Variants in TRDN observed in about 807,000 individuals in gnomAD.
TRDN encodes the protein triadin in skeletal muscle.
Under a neutral mutation model 149.7 loss-of-function variants are expected in TRDN, and 161 were observed. The ratio of observed to expected loss-of-function variants is 1.08; its 90% CI spans 0.95 to 1.23. TRDN has a LOEUF of 1.23. Among genes scored for constraint, TRDN ranks in the 50% most tolerant of loss-of-function variants. The pLI, the probability that TRDN is intolerant of heterozygous loss-of-function variation, is 0.00. For missense variants in TRDN, 896 were observed against 823.5 expected (o/e 1.09, Z -1.08); for synonymous variants, 294 against 250.5 (o/e 1.17, Z -1.64).
Position 123,271,158 on chromosome 6 carries a change from A to C in TRDN, c.1701T>G (p.Ala567=), listed in dbSNP as rs1208419306. ...ATTTACCTGTTTTTTCTATTGTGAC[A>C]GCTTTTACCTGCTTGAGAACTTTTT... The part of the protein sequence containing the change: ...PEEKVLKQVK[A]VTIEKTAKPK... Residue 567 remains alanine, a synonymous_variant, in exon 30 of 41, where the codon GCT becomes GCG. Transcript: ENST00000334268. The C allele has an allele frequency of 6.5e-7, 1 of 1,538,136 alleles. No homozygotes were observed. Among genetic ancestry groups the C allele is most frequent in the African/African-American group, 1.4e-5 (1 of 72,416 alleles).
chr6:123,317,794 C>A lies in TRDN; in HGVS notation c.1472-1299G>T, dbSNP rs548006841. On this transcript the variant is annotated intron_variant, in intron 23 of 40. Coordinates refer to ENST00000334268, the MANE Select transcript of TRDN (RefSeq NM_006073.4). ...TATCTGATATGTGGTATATGATCAA[C>A]AAATATTGTTGAAGGAATGAATGAG... is the stretch of plus-strand genomic sequence containing the variant. Among the ~76,000 whole-genome samples the A allele has an allele frequency of 2.1e-3, 318 of 151,908 alleles. 1 individual carries two copies. Among genetic ancestry groups the A allele is most frequent in the African/African-American group, 7.4e-3 (306 of 41,480 alleles).
At chr6:123,442,653 G>T (rs1774993277) in intron 10 of TRDN, among the ~76,000 whole-genome samples, 1 of 151,094 alleles carries the variant, frequency 6.6e-6, no homozygotes, top group African/African-American at 2.4e-5. Context: ...GAAAAATAAT[G>T]ATAATAATGA....
chr6:123,275,019 A>G (rs1434404582), intron 26 of TRDN, among the ~76,000 whole-genome samples: 1 of 152,158 alleles, frequency 6.6e-6, no homozygotes, highest in Non-Finnish European at 1.5e-5. Context: ...TGATTATTGC[A>G]GAAAATAGTT....
At chr6:123,324,399 G>A (rs1779364822) in intron 23 of TRDN, among the ~76,000 whole-genome samples, 1 of 152,094 alleles carries the variant, frequency 6.6e-6, no homozygotes, top group Admixed American at 6.6e-5. Flanking sequence ...AGGAGCTCTT[G>A]AGCCCAGGAG....
chr6:123,432,575 A>G (rs1470475122), intron 12 of TRDN, among the ~76,000 whole-genome samples: 2 of 152,096 alleles, frequency 1.3e-5, no homozygotes, highest in Non-Finnish European at 2.9e-5. Flanking sequence ...ACTAGATTGA[A>G]CTATTAAAGC....
At chr6:123,544,411 C>T (rs986049082) in intron 4 of TRDN, among the ~76,000 whole-genome samples, 7 of 151,814 alleles carry the variant, frequency 4.6e-5, no homozygotes, top group African/African-American at 1.7e-4. Context: ...GGTTATAAAC[C>T]GGGCATGCTC....
rs9398723 is a variant in TRDN at position 123,273,009 on chromosome 6, G to T, written c.1627C>A (p.Gln543Lys). Residue 543 changes from glutamine to lysine, a missense_variant and splice_region_variant, in exon 29 of 41, where the codon CAA (glutamine) becomes AAA (lysine). Transcript: ENST00000334268. ...GTCTTTTCTGGTTTCACTATGTCTT[G>T]TTCTGAAAATAATAAAAAGAAAATC... is the stretch of plus-strand genomic sequence containing the variant. ...AISEKVQIHK[Q>K]DIVKPEKTVS... The T allele has an allele frequency of 4.4e-5, 66 of 1,500,226 alleles. No homozygotes were observed. In the East Asian group the frequency reaches 1.2e-3, roughly 27 times the overall value. 92.9% of individuals were successfully genotyped at this position (1,500,226 alleles called of 1,614,324 possible). A position where few individuals can be genotyped will look rare whatever the true frequency, so the allele number is the denominator to read the frequency against.
chr6:123,311,305 G>A (rs1011208455), intron 24 of TRDN, among the ~76,000 whole-genome samples: 10 of 151,756 alleles, frequency 6.6e-5, no homozygotes, highest in African/African-American at 2.4e-4. Context: ...GGGGGAAATC[G>A]CCCCCATGAT....
intron 1 of TRDN, among the ~76,000 whole-genome samples, chr6:123,593,663 C>T (rs1004376953): frequency 2.0e-5 from 3 of 152,138 alleles, no homozygotes; most frequent in African/African-American, 7.2e-5. Flanking sequence ...TTCCCCTTTC[C>T]ATAAGGATAC....
At chr6:123,476,709 G>A (rs1434535047) in intron 9 of TRDN, among the ~76,000 whole-genome samples, 2 of 146,924 alleles carry the variant, frequency 1.4e-5, no homozygotes, top group African/African-American at 5.0e-5. Context: ...TACCAAAACA[G>A]AGATATAGAT....
chr6:123,577,756 A>G (rs1449672463), intron 1 of TRDN, among the ~76,000 whole-genome samples: 1 of 152,176 alleles, frequency 6.6e-6, no homozygotes, highest in African/African-American at 2.4e-5. Flanking sequence ...TACTTCCACC[A>G]ACAGTGTATA....
At chr6:123,437,118 C>A (rs1249119284) in intron 12 of TRDN, among the ~76,000 whole-genome samples, 1 of 152,022 alleles carries the variant, frequency 6.6e-6, no homozygotes, top group Non-Finnish European at 1.5e-5. Flanking sequence ...TCGAAACTGT[C>A]AAATAGTTGA....
chr6:123,471,643 TTCCCTAA>T (rs1219915876), intron 9 of TRDN: 1 of 152,220 alleles, frequency 6.6e-6, no homozygotes, highest in Non-Finnish European at 1.5e-5. Context: ...GATTAAAAGC[TTCCCTAA>T]TATATTTCCA....
At chr6:123,392,555 A>G (rs1772533023) in intron 13 of TRDN, among the ~76,000 whole-genome samples, 1 of 152,088 alleles carries the variant, frequency 6.6e-6, no homozygotes, top group African/African-American at 2.4e-5. Flanking sequence ...AACCAAAGGT[A>G]ATAATATTTG....
chr6:123,549,457 T>G (rs1229509860), intron 2 of TRDN, among the ~76,000 whole-genome samples: 2 of 152,098 alleles, frequency 1.3e-5, no homozygotes, highest in Non-Finnish European at 2.9e-5. Flanking sequence ...CAAGCTGTAA[T>G]TAAATTTTAG....
intron 13 of TRDN, among the ~76,000 whole-genome samples, chr6:123,390,998 G>A (rs141692058): frequency 1.3e-4 from 20 of 151,938 alleles, no homozygotes; most frequent in South Asian, 1.2e-3. Context: ...GTTCCATTAC[G>A]GCATGTGTTC....
intron 14 of TRDN, 36 bp from the exon 15 acceptor site, chr6:123,382,183 T>C (rs966657422): frequency 7.0e-6 from 10 of 1,424,906 alleles, no homozygotes; most frequent in Middle Eastern, 2.3e-4. Flanking sequence ...ATAAAACAGA[T>C]ACAATAAATC....
At chr6:123,454,262 C>T (rs1394044631) in intron 10 of TRDN, among the ~76,000 whole-genome samples, 1 of 152,034 alleles carries the variant, frequency 6.6e-6, no homozygotes, top group African/African-American at 2.4e-5. Context: ...ACCACCTGTA[C>T]TCAATAACTG....
chr6:123,249,148 G>T (rs529599987), intron 38 of TRDN, among the ~76,000 whole-genome samples: 5 of 152,004 alleles, frequency 3.3e-5, no homozygotes, highest in Non-Finnish European at 5.9e-5. Flanking sequence ...CAGACATCTC[G>T]CAAAAGAATA....
Sources: allele counts gnomAD v4.1 joint callset (sites outside exome capture counted in the v4.1 genomes callset), GRCh38; gene constraint gnomAD v4.1.1; transcripts MANE v1.5; gene names NCBI Gene and HGNC (gene_info 2026-07-23, HGNC 2026-07-21).